Variants in SERPINB8 observed in about 807,000 individuals in gnomAD.
The protein encoded by SERPINB8 is serpin B8.
A neutral mutation model predicts 35.3 loss-of-function variants in SERPINB8; 25 were observed. That is an observed-to-expected ratio of 0.71 (90% CI 0.52 to 0.99). The LOEUF (loss-of-function observed/expected upper bound fraction) is 0.99, where lower values mean the gene tolerates loss of function less well. SERPINB8 is among the 50% of genes least tolerant of loss of function. The pLI, the probability that SERPINB8 is intolerant of heterozygous loss-of-function variation, is 0.00. For missense variants in SERPINB8, 484 were observed against 446.5 expected, an observed-to-expected ratio of 1.08 and a Z score of -0.76; for synonymous variants, 186 against 160.8, an observed-to-expected ratio of 1.16 and a Z score of -1.19.
chr18:63,986,321 T>A, intron 6 of SERPINB8: 1 of 1,607,024 alleles, frequency 6.2e-7, no homozygotes, highest in Admixed American at 1.7e-5. Flanking sequence ...CAAACAAGGA[T>A]GCTGATGAAG....
intron 1 of SERPINB8, among the ~76,000 whole-genome samples, chr18:64,003,248 A>G (rs1038570921): frequency 4.6e-5 from 7 of 151,994 alleles, no homozygotes; most frequent in Admixed American, 4.6e-4. Context: ...CTGATTTTAG[A>G]GAGTTTGCCT....
In SERPINB8 at chr18:63,979,865, A is replaced by G. The variant is rs755179869; in HGVS notation, c.233A>G (p.Asn78Ser). 3.1e-6 allele frequency: 5 copies of G among 1,614,032 alleles called. No individual in the cohort carries two copies. The highest frequency in any genetic ancestry group is 8.5e-7 in the Non-Finnish European group (1 of 1,179,990). The change falls in exon 3 of 7, where the codon AAC becomes AGC. Residue 78 changes from asparagine (N) to serine (S), a missense_variant. By Grantham distance (46) the Asn-to-Ser change is conservative (BLOSUM62 1). Transcript: ENST00000397985. ...RGFQSLLSEVNRTGTQYLLRT... is the reference protein window; with the variant it reads ...RGFQSLLSEVSRTGTQYLLRT... ...TTCCAGTCACTTCTCAGTGAAGTTAACAGAACTGGCACTCAGTACTTGCTT... is the reference window on the plus strand; with the variant it reads ...TTCCAGTCACTTCTCAGTGAAGTTAGCAGAACTGGCACTCAGTACTTGCTT...
At chr18:63,998,688 T>G (rs1250847428) in intron 1 of SERPINB8, among the ~76,000 whole-genome samples, 1 of 152,164 alleles carries the variant, frequency 6.6e-6, no homozygotes, top group African/African-American at 2.4e-5. Flanking sequence ...GCAAGTTCCC[T>G]CCATCCTTTT....
chr18:63,997,735 C>A (rs1362529112), intron 1 of SERPINB8, among the ~76,000 whole-genome samples: 1 of 152,170 alleles, frequency 6.6e-6, no homozygotes. Flanking sequence ...GAGCTACTGG[C>A]AAAATTGTGC....
Position 63,981,843 on chromosome 18 carries a change from G to A in SERPINB8, c.424+5G>A, listed in dbSNP as rs1568273723. 1 of 1,580,672 alleles carries A rather than the reference G, an allele frequency of 6.3e-7. No individual in the cohort carries two copies. On this transcript the variant is annotated splice_donor_5th_base_variant and intron_variant, in intron 4 of 6. Coordinates refer to ENST00000397985, the MANE Select transcript of SERPINB8 (RefSeq NM_002640.4). ...GGGTGGCAGAGAAGACTGAAGGTGA[G>A]ACAGTTTCATTTCTGTTGATTTGGA...
downstream of SERPINB8, among the ~76,000 whole-genome samples, chr18:63,990,672 C>G (rs969392297): frequency 6.6e-6 from 1 of 151,218 alleles, no homozygotes; most frequent in Admixed American, 6.6e-5. Context: ...ATCCCTCCCC[C>G]CCACCCCACA....
chr18:63,995,887 C>G (rs1049760234), intron 1 of SERPINB8, among the ~76,000 whole-genome samples: 6 of 152,124 alleles, frequency 3.9e-5, no homozygotes, highest in African/African-American at 1.4e-4. Context: ...CCCTGACCAG[C>G]TAAAATTAGG....
chr18:63,986,864 C>A lies in SERPINB8; in HGVS notation c.721-10C>A. On this transcript the variant is annotated splice_polypyrimidine_tract_variant and intron_variant, in intron 6 of 6. Transcript: ENST00000397985. ...TCTAAATTTTAAGGTTTGAGTCTTT[C>A]TTATCCTAGGTGGAAAAAGCACTTA... The A allele has an allele frequency of 6.3e-7, 1 of 1,594,836 alleles. No individual in the cohort carries two copies. The highest frequency in any genetic ancestry group is 1.1e-5 in the South Asian group (1 of 86,990).
At position 63,978,350 on chromosome 18, in the gene SERPINB8, CT is replaced by C. The variant is rs752180703; in HGVS notation, c.44del (p.Leu15TyrfsTer19). On this transcript the variant is annotated frameshift_variant, in exon 2 of 7. Coordinates refer to ENST00000397985, the MANE Select transcript of SERPINB8 (RefSeq NM_002640.4). LOFTEE classifies it high-confidence loss of function. ...CEANGTFAIS[L>X]FKILGEEDNS... is the part of the protein sequence containing the mutation. ...AAGCAAATGGCACTTTTGCCATCAG[CT>C]TATTTAAAATATTGGGGGAAGAGGA... 6.8e-6 allele frequency: 11 copies of C among 1,614,030 alleles called. No homozygotes were observed. Among genetic ancestry groups the C allele is most frequent in the Non-Finnish European group, 1.7e-6 (2 of 1,180,050 alleles).
downstream of SERPINB8, among the ~76,000 whole-genome samples, chr18:64,006,905 T>C (rs1243800833): frequency 2.6e-5 from 4 of 152,070 alleles, no homozygotes; most frequent in African/African-American, 4.8e-5. Context: ...AAAAAACCTA[T>C]GCATCCAACT....
At chr18:64,010,510 A>G (rs958636881), downstream of SERPINB8, among the ~76,000 whole-genome samples, 2 of 152,176 alleles carry the variant, frequency 1.3e-5, no homozygotes, top group African/African-American at 4.8e-5. Context: ...TATTGCACTC[A>G]TACAGTAGAA....
At chr18:63,999,954 C>A (rs904483475) in intron 1 of SERPINB8, among the ~76,000 whole-genome samples, 1 of 152,108 alleles carries the variant, frequency 6.6e-6, no homozygotes, top group African/African-American at 2.4e-5. Context: ...CTGTCTCTTA[C>A]CATCACTGAG....
chr18:63,997,483 CA>C (rs2050855639), intron 1 of SERPINB8, among the ~76,000 whole-genome samples: 1 of 152,326 alleles, frequency 6.6e-6, no homozygotes, highest in Middle Eastern at 3.4e-3. Flanking sequence ...AACTCAGATA[CA>C]AGGACCTTCT....
At chr18:63,973,709 T>TGGCTA (rs1211465765) in intron 1 of SERPINB8, among the ~76,000 whole-genome samples, 4 of 151,690 alleles carry the variant, frequency 2.6e-5, no homozygotes, top group Admixed American at 6.6e-5. Flanking sequence ...TTTCTACATA[T>TGGCTA]GCCAGTTTTC....
chr18:63,990,035 G>A (rs2050815394), downstream of SERPINB8, among the ~76,000 whole-genome samples: 1 of 145,472 alleles, frequency 6.9e-6, no homozygotes, highest in African/African-American at 2.5e-5. Context: ...ATGTCTCATC[G>A]ATATTTTATT....
chr18:64,018,454 C>G (rs185903197), intron 7 of SERPINB8, among the ~76,000 whole-genome samples: 1 of 152,100 alleles, frequency 6.6e-6, no homozygotes, highest in Non-Finnish European at 1.5e-5. Context: ...ATTAATATTA[C>G]TCATCTAGTT....
downstream of SERPINB8, among the ~76,000 whole-genome samples, chr18:64,009,442 T>C (rs2050915649): frequency 4.6e-5 from 7 of 152,220 alleles, no homozygotes. Flanking sequence ...CATTAAAACT[T>C]ATTATAAAAC....
rs191124075 is a variant in SERPINB8 at position 63,984,350 on chromosome 18, T to A, written c.567+629T>A. 2.3e-3 allele frequency among the ~76,000 whole-genome samples: 343 copies of A among 152,356 alleles called. 4 individuals are homozygous for A. The highest frequency in any genetic ancestry group is 0.019 in the Admixed American group (289 of 15,308). ...TGCATGATGCTATTACTCTCTGTAT[T>A]TAGTTAGATACCTTTTTGCAATATC... is the stretch of plus-strand genomic sequence containing the variant. On this transcript the variant is annotated intron_variant, in intron 5 of 6. Coordinates refer to ENST00000397985, the MANE Select transcript of SERPINB8 (RefSeq NM_002640.4).
intron 1 of SERPINB8, among the ~76,000 whole-genome samples, chr18:63,995,431 TA>T (rs1292814019): frequency 2.0e-5 from 3 of 152,212 alleles, no homozygotes; most frequent in Non-Finnish European, 4.4e-5. Context: ...GGGAAACAGA[TA>T]ATGTTCTCTG....
Sources: allele counts gnomAD v4.1 joint callset (sites outside exome capture counted in the v4.1 genomes callset), GRCh38; gene constraint gnomAD v4.1.1; transcripts MANE v1.5; gene names NCBI Gene and HGNC (gene_info 2026-07-23, HGNC 2026-07-21).